GABRB1: variants seen among roughly 807,000 people sequenced by gnomAD.
GABRB1 encodes the protein gamma-aminobutyric acid receptor subunit beta-1.
GABRB1 carries 17 observed loss-of-function variants against 51.6 expected under a neutral mutation model. The ratio of observed to expected loss-of-function variants is 0.33; its 90% CI spans 0.23 to 0.49. GABRB1 has a LOEUF of 0.49. Among genes scored for constraint, GABRB1 ranks in the 20% least tolerant of loss-of-function variants. GABRB1 has a pLI of 0.99. For missense variants in GABRB1, 410 were observed against 600.6 expected (o/e 0.68, Z 3.32); for synonymous variants, 247 against 218.9 (o/e 1.13, Z -1.14).
chr4:47,058,799 A>G (rs916506921), intron 3 of GABRB1, among the ~76,000 whole-genome samples: 2 of 152,222 alleles, frequency 1.3e-5, no homozygotes, highest in African/African-American at 4.8e-5. Flanking sequence ...AGAGTCTGTC[A>G]TTGACATTCT....
At chr4:47,004,012 A>T (rs374071078) in intron 1 of GABRB1, among the ~76,000 whole-genome samples, 1 of 152,126 alleles carries the variant, frequency 6.6e-6, no homozygotes, top group South Asian at 2.1e-4. Context: ...TTTGTTTTAG[A>T]TGGAGTATTG....
intron 1 of GABRB1, among the ~76,000 whole-genome samples, chr4:46,997,796 A>G (rs1277194373): frequency 6.6e-6 from 1 of 152,210 alleles, no homozygotes; most frequent in African/African-American, 2.4e-5. Context: ...ACATATACAT[A>G]TAACAGTTTC....
chr4:47,291,653 C>T (rs1009623754), intron 4 of GABRB1, among the ~76,000 whole-genome samples: 1 of 152,238 alleles, frequency 6.6e-6, no homozygotes, highest in Non-Finnish European at 1.5e-5. Context: ...GAAGCTACCT[C>T]TTTCATCAGC....
intron 3 of GABRB1, among the ~76,000 whole-genome samples, chr4:47,046,030 G>C (rs1415586681): frequency 6.6e-6 from 1 of 152,028 alleles, no homozygotes; most frequent in Admixed American, 6.6e-5. Flanking sequence ...CCTCCATGCT[G>C]TTTGCATGAT....
intron 3 of GABRB1, among the ~76,000 whole-genome samples, chr4:47,087,555 T>TTTTTA (rs1553914831): frequency 6.6e-6 from 1 of 151,578 alleles, no homozygotes; most frequent in African/African-American, 2.4e-5. Context: ...TTTTTTTTTT[T>TTTTTA]ATTATACTTT....
chr4:47,105,844 C>T (rs1167186092), intron 3 of GABRB1, among the ~76,000 whole-genome samples: 2 of 152,088 alleles, frequency 1.3e-5, no homozygotes, highest in Admixed American at 1.3e-4. Context: ...GTAAATTTCT[C>T]TTGAGCTGTA....
chr4:47,304,395 A>AT (rs910290792), intron 4 of GABRB1, among the ~76,000 whole-genome samples: 21 of 151,850 alleles, frequency 1.4e-4, no homozygotes, highest in African/African-American at 4.8e-4. Flanking sequence ...ATATTGAACA[A>AT]TTTTTTCATA....
intron 4 of GABRB1, among the ~76,000 whole-genome samples, chr4:47,187,599 C>G (rs1719237133): frequency 1.3e-5 from 2 of 151,892 alleles, no homozygotes. Flanking sequence ...CCCATGCCGA[C>G]TCCCTCCGAG....
At chr4:47,182,876 G>A (rs1298164104) in intron 4 of GABRB1, among the ~76,000 whole-genome samples, 2 of 151,848 alleles carry the variant, frequency 1.3e-5, no homozygotes, top group Admixed American at 6.6e-5. Flanking sequence ...AACACACAAA[G>A]CAAGCCAGAC....
intron 3 of GABRB1, among the ~76,000 whole-genome samples, chr4:47,051,278 T>C (rs1163206837): frequency 6.6e-6 from 1 of 152,122 alleles, no homozygotes; most frequent in African/African-American, 2.4e-5. Context: ...TGCAAAATTA[T>C]GTTTAGAGCT....
At chr4:47,421,123 T>C (rs1729080742) in intron 8 of GABRB1, among the ~76,000 whole-genome samples, 1 of 150,982 alleles carries the variant, frequency 6.6e-6, no homozygotes. Flanking sequence ...AGTAATGAAA[T>C]CAGCTTTCAT....
chr4:47,166,368 CCTT>C (rs1718189793), intron 4 of GABRB1, among the ~76,000 whole-genome samples: 1 of 151,906 alleles, frequency 6.6e-6, no homozygotes, highest in African/African-American at 2.4e-5. Flanking sequence ...CAAGAAGGAC[CCTT>C]CTTCTTCCTC....
At chr4:47,183,267 A>G (rs1719032048) in intron 4 of GABRB1, among the ~76,000 whole-genome samples, 1 of 150,370 alleles carries the variant, frequency 6.7e-6, no homozygotes, top group Non-Finnish European at 1.5e-5. Flanking sequence ...GTATAGATAG[A>G]TAAGATGATA....
At chr4:47,195,400 AT>A (rs1719615126) in intron 4 of GABRB1, among the ~76,000 whole-genome samples, 1 of 25,812 alleles carries the variant, frequency 3.9e-5, no homozygotes, top group Non-Finnish European at 8.7e-5. Flanking sequence ...TAGATGATAG[AT>A]AGATAGATAG....
intron 4 of GABRB1, among the ~76,000 whole-genome samples, chr4:47,230,277 C>T (rs1470513537): frequency 6.6e-6 from 1 of 152,082 alleles, no homozygotes; most frequent in African/African-American, 2.4e-5. Flanking sequence ...ACATAAGAAG[C>T]ACTCAGTAAG....
At chr4:47,316,367 C>T (rs966044407) in intron 4 of GABRB1, among the ~76,000 whole-genome samples, 2 of 151,884 alleles carry the variant, frequency 1.3e-5, no homozygotes, top group South Asian at 2.1e-4. Context: ...TTTCAATTAA[C>T]ATAATGGCCT....
At position 47,182,885 on chromosome 4, in the gene GABRB1, A is replaced by G. The variant is rs929644538; in HGVS notation, c.461+21416A>G. Among the ~76,000 whole-genome samples, 16 of 152,090 alleles carry G rather than the reference A, an allele frequency of 1.1e-4. 1 individual carries two copies. Among genetic ancestry groups the G allele is most frequent in the Admixed American group, 7.2e-4 (11 of 15,224 alleles). On this transcript the variant is annotated intron_variant, in intron 4 of 8. Transcript: ENST00000295454. ...AACCTCAACACACAAAGCAAGCCAG[A>G]CACATAAATTCCAAAGAAACTAGAA...
intron 5 of GABRB1, among the ~76,000 whole-genome samples, chr4:47,335,564 C>T (rs1725667464): frequency 6.6e-6 from 1 of 152,022 alleles, no homozygotes; most frequent in Non-Finnish European, 1.5e-5. Context: ...CCAGTATGTA[C>T]AGTTACAATA....
intron 5 of GABRB1, among the ~76,000 whole-genome samples, chr4:47,379,097 C>T (rs960960112): frequency 2.0e-5 from 3 of 152,080 alleles, no homozygotes. Context: ...CTGCCAATTC[C>T]CATAGTGCCT....
Sources: allele counts gnomAD v4.1 joint callset (sites outside exome capture counted in the v4.1 genomes callset), GRCh38; gene constraint gnomAD v4.1.1; transcripts MANE v1.5; gene names NCBI Gene and HGNC (gene_info 2026-07-23, HGNC 2026-07-21).